Variants in TATDN1 observed in about 807,000 individuals in gnomAD.
The protein encoded by TATDN1 is deoxyribonuclease TATDN1.
TATDN1 carries 40 observed loss-of-function variants against 46.4 expected under a neutral mutation model. That is an observed-to-expected ratio of 0.86 (90% CI 0.67 to 1.12). The LOEUF (loss-of-function observed/expected upper bound fraction) is 1.12, where lower values mean the gene tolerates loss of function less well. Ranked by LOEUF, TATDN1 falls within the 50% of genes most tolerant of loss-of-function variation. TATDN1 has a pLI of 0.00. For synonymous variants in TATDN1, 95 were observed against 105.6 expected (o/e 0.90, Z 0.62); for missense variants, 326 against 348.4 (o/e 0.94, Z 0.51).
Position 124,506,868 on chromosome 8 carries a change from G to C in TATDN1, c.516+1606C>G, listed in dbSNP as rs148783947. ...TTCCAAAGGAGTCCATGATCGAAGA[G>C]ACTAAAAATCATGGCTGGGCAAGGT... On this transcript the variant is annotated intron_variant, in intron 8 of 11. Coordinates refer to ENST00000276692, the MANE Select transcript of TATDN1 (RefSeq NM_032026.4). Among the ~76,000 whole-genome samples, 455 of 152,154 alleles carry C rather than the reference G, an allele frequency of 3.0e-3. 1 individual carries two copies. The highest frequency in any genetic ancestry group is 0.01 in the African/African-American group (424 of 41,526).
At chr8:124,507,771 C>A (rs1818617629) in intron 8 of TATDN1, among the ~76,000 whole-genome samples, 1 of 144,206 alleles carries the variant, frequency 6.9e-6, no homozygotes, top group Non-Finnish European at 1.5e-5. Context: ...GAGCCAGACC[C>A]TTTCTTAATA....
In TATDN1 at chr8:124,495,645, A is replaced by G. The variant is rs147373146; in HGVS notation, c.594-103T>C. 1,310 of 803,548 alleles carry G rather than the reference A, an allele frequency of 1.6e-3. 14 individuals carry two copies. The African/African-American group carries it at 0.018, about 11-fold the overall frequency. The allele number at this position is 803,548 out of a possible 1,614,324, so 49.8% of individuals were successfully genotyped here. On this transcript the variant is annotated intron_variant, in intron 9 of 11. Transcript: ENST00000276692. ...TGCTACAAAACCAACCCAAAACCCT[A>G]TAACACTTTGTTTTCAGTATACTTT...
chr8:124,510,772 C>T (rs1818939490), intron 6 of TATDN1, among the ~76,000 whole-genome samples: 1 of 152,028 alleles, frequency 6.6e-6, no homozygotes, highest in African/African-American at 2.4e-5. Context: ...TGCGGTGAGC[C>T]ATGATCACAC....
intron 1 of TATDN1, among the ~76,000 whole-genome samples, chr8:124,530,059 C>T (rs1820830847): frequency 6.6e-6 from 1 of 151,948 alleles, no homozygotes; most frequent in Non-Finnish European, 1.5e-5. Context: ...CCACTGCACT[C>T]CAGCCTGGGT....
chr8:124,506,199 G>C (rs976216288), intron 8 of TATDN1, among the ~76,000 whole-genome samples: 3 of 151,772 alleles, frequency 2.0e-5, no homozygotes, highest in East Asian at 3.9e-4. Context: ...GCCAGGCGTG[G>C]TGGTGCGTGC....
chr8:124,521,199 C>G (rs1466874540), intron 3 of TATDN1, among the ~76,000 whole-genome samples: 1 of 152,006 alleles, frequency 6.6e-6, no homozygotes, highest in Non-Finnish European at 1.5e-5. Flanking sequence ...GGCTGGATAC[C>G]ACGTTTGTTA....
At position 124,539,074 on chromosome 8, in the gene TATDN1, G is replaced by A. The variant is rs760171218; in HGVS notation, c.-28C>T. 6.2e-7 allele frequency: 1 copy of A among 1,611,974 alleles called. No individual in the cohort carries two copies. The highest frequency in any genetic ancestry group is 2.2e-5 in the East Asian group (1 of 44,802). ...CTGCGCATGGAGGACCTCCCCAGCG[G>A]AAGCGGAAGTGGCCGCCGGCAACTC... On this transcript the variant is annotated 5_prime_UTR_variant, in exon 1 of 12. Coordinates refer to ENST00000276692, the MANE Select transcript of TATDN1 (RefSeq NM_032026.4).
chr8:124,501,870 T>C (rs955113610), intron 9 of TATDN1, among the ~76,000 whole-genome samples: 2 of 152,052 alleles, frequency 1.3e-5, no homozygotes. Context: ...AAATTTCACA[T>C]CAGAGATGAA....
intron 8 of TATDN1, among the ~76,000 whole-genome samples, chr8:124,506,841 G>A (rs1818481693): frequency 1.3e-5 from 2 of 152,086 alleles, no homozygotes; most frequent in Non-Finnish European, 2.9e-5. Flanking sequence ...TCTAAGGCAG[G>A]TTTCCAAAGG....
intron 1 of TATDN1, chr8:124,538,808 T>A (rs1216233393): frequency 1.6e-6 from 1 of 611,368 alleles, no homozygotes; most frequent in African/African-American, 1.9e-5. Context: ...TACGGCTTGT[T>A]AATTTTTACA....
At chr8:124,511,099 G>A (rs2131444814) in intron 6 of TATDN1, among the ~76,000 whole-genome samples, 1 of 152,224 alleles carries the variant, frequency 6.6e-6, no homozygotes, top group South Asian at 2.1e-4. Context: ...AGACTTCTCT[G>A]CCTGTTTTAC....
Position 124,495,552 on chromosome 8 carries a change from A to T in TATDN1, c.594-10T>A. On this transcript the variant is annotated splice_polypyrimidine_tract_variant and intron_variant, in intron 9 of 11. Coordinates refer to ENST00000276692, the MANE Select transcript of TATDN1 (RefSeq NM_032026.4). ...TTCAGTTTTCAGTGAGCTTAAAAAAAAGTGTATATTTATTTTAAAAGGCAG... is the reference window on the plus strand; with the variant it reads ...TTCAGTTTTCAGTGAGCTTAAAAAATAGTGTATATTTATTTTAAAAGGCAG... 2.5e-6 allele frequency: 4 copies of T among 1,585,240 alleles called. No homozygotes were observed. The highest frequency in any genetic ancestry group is 3.4e-6 in the Non-Finnish European group (4 of 1,165,948).
At chr8:124,503,379 T>A (rs1818142220) in intron 9 of TATDN1, among the ~76,000 whole-genome samples, 1 of 152,234 alleles carries the variant, frequency 6.6e-6, no homozygotes, top group Admixed American at 6.5e-5. Flanking sequence ...CTCTGATATT[T>A]GTTCATATCT....
chr8:124,523,372 G>A, intron 1 of TATDN1: 1 of 208,390 alleles, frequency 4.8e-6, no homozygotes, highest in South Asian at 7.7e-5. Context: ...AAGGATGAGT[G>A]ACTGTTATCC....
chr8:124,503,947 T>C, intron 9 of TATDN1: 1 of 1,309,070 alleles, frequency 7.6e-7, no homozygotes, highest in Non-Finnish European at 1.0e-6. Context: ...TATGTATACA[T>C]AATGCTGTGA....
intron 1 of TATDN1, among the ~76,000 whole-genome samples, chr8:124,528,421 C>T (rs1168493844): frequency 6.6e-6 from 1 of 152,196 alleles, no homozygotes; most frequent in Non-Finnish European, 1.5e-5. Context: ...GATCCTCCCG[C>T]CTCGGCCTCC....
At chr8:124,515,000 G>C (rs954859436) in intron 6 of TATDN1, among the ~76,000 whole-genome samples, 1 of 152,042 alleles carries the variant, frequency 6.6e-6, no homozygotes, top group East Asian at 1.9e-4. Flanking sequence ...ATGTTGCTCA[G>C]GCTGGTCTGG....
intron 9 of TATDN1, among the ~76,000 whole-genome samples, chr8:124,497,130 C>G (rs1366130013): frequency 6.6e-6 from 1 of 152,140 alleles, no homozygotes; most frequent in Non-Finnish European, 1.5e-5. Flanking sequence ...GAAGTCTCAA[C>G]TTATTAAAAT....
intron 9 of TATDN1, among the ~76,000 whole-genome samples, chr8:124,498,504 A>G (rs1198318106): frequency 7.0e-6 from 1 of 142,962 alleles, no homozygotes; most frequent in African/African-American, 2.6e-5. Context: ...TTCTCTATAT[A>G]GGCCCTCAAT....
Sources: allele counts gnomAD v4.1 joint callset (sites outside exome capture counted in the v4.1 genomes callset), GRCh38; gene constraint gnomAD v4.1.1; transcripts MANE v1.5; gene names NCBI Gene and HGNC (gene_info 2026-07-23, HGNC 2026-07-21).